CCDC6: variants seen among roughly 807,000 people sequenced by gnomAD.
CCDC6 encodes the protein coiled-coil domain containing 6.
CCDC6 carries 20 observed loss-of-function variants against 56.6 expected under a neutral mutation model. That is an observed-to-expected ratio of 0.35 (90% CI 0.25 to 0.51). The LOEUF (loss-of-function observed/expected upper bound fraction) is 0.51. CCDC6 is among the 20% of genes least tolerant of loss of function. The pLI is 0.95. For missense variants in CCDC6, 367 were observed against 601.1 expected (o/e 0.61, Z 4.07); for synonymous variants, 241 against 234.4 (o/e 1.03, Z -0.26).
chr10:59,796,906 G>A (rs2070524786), intron 7 of CCDC6, among the ~76,000 whole-genome samples: 1 of 151,424 alleles, frequency 6.6e-6, no homozygotes, highest in African/African-American at 2.4e-5. Context: ...GGGAGGCGGA[G>A]CTTGCAGTGA....
Position 59,906,366 on chromosome 10 carries a change from G to A in CCDC6, c.59C>T (p.Ser20Leu), listed in dbSNP as rs778657226. 1.9e-6 allele frequency: 3 copies of A among 1,594,278 alleles called. No individual in the cohort carries two copies. The highest frequency in any genetic ancestry group is 1.1e-5 in the South Asian group (1 of 90,716). The change falls in exon 1 of 9, where the codon TCG becomes TTG. Residue 20 changes from serine to leucine, a missense_variant. Coordinates refer to ENST00000263102, the MANE Select transcript of CCDC6 (RefSeq NM_005436.5). ...TDGAGGNSSSSAAMQSSCSST... is the reference protein window; with the variant it reads ...TDGAGGNSSSLAAMQSSCSST... ...CGAGCAGGACGACTGCATGGCGGCC[G>A]AGCTGCTGCTGTTGCCCCCCGCCCC...
intron 1 of CCDC6, among the ~76,000 whole-genome samples, chr10:59,857,261 G>T (rs555185323): frequency 1.7e-4 from 26 of 152,232 alleles, no homozygotes; most frequent in African/African-American, 6.3e-4. Flanking sequence ...ATTTTATCCT[G>T]AGTCACCACA....
At position 59,791,396 on chromosome 10, in the gene CCDC6, T is replaced by A. The variant is rs2070466598; in HGVS notation, c.*1521A>T. The A allele has an allele frequency of 5.1e-6, 1 of 196,114 alleles. No homozygotes were observed. The highest frequency in any genetic ancestry group is 2.3e-5 in the African/African-American group (1 of 43,264). 12.1% of individuals were successfully genotyped at this position (196,114 alleles called of 1,614,324 possible). A position where few individuals can be genotyped will look rare whatever the true frequency, so the allele number is the denominator to read the frequency against. On this transcript the variant is annotated 3_prime_UTR_variant, in exon 9 of 9. Coordinates refer to ENST00000263102, the MANE Select transcript of CCDC6 (RefSeq NM_005436.5). ...CATTCTGTTAACTCTTAAATATGCATTCGAAGGCAAAAATGGAGGTTTCTA... is the reference window on the plus strand; with the variant it reads ...CATTCTGTTAACTCTTAAATATGCAATCGAAGGCAAAAATGGAGGTTTCTA...
At chr10:59,895,741 G>A (rs1282992930) in intron 1 of CCDC6, among the ~76,000 whole-genome samples, 1 of 152,148 alleles carries the variant, frequency 6.6e-6, no homozygotes, top group Admixed American at 6.5e-5. Context: ...ACGTTCTGGA[G>A]GCAATTTCTA....
intron 1 of CCDC6, among the ~76,000 whole-genome samples, chr10:59,873,004 C>A (rs7909402): frequency 0.039 from 5,985 of 152,254 alleles, 380 homozygotes; most frequent in African/African-American, 0.13. Context: ...CAAGCCTGAT[C>A]TGAATTGACA....
At chr10:59,841,227 T>C (rs1232160193) in intron 2 of CCDC6, among the ~76,000 whole-genome samples, 1 of 152,200 alleles carries the variant, frequency 6.6e-6, no homozygotes, top group Non-Finnish European at 1.5e-5. Flanking sequence ...GCCTTAGCAC[T>C]TTCCTATTCC....
intron 1 of CCDC6, among the ~76,000 whole-genome samples, chr10:59,862,230 T>A (rs1016775561): frequency 6.6e-6 from 1 of 151,938 alleles, no homozygotes; most frequent in African/African-American, 2.4e-5. Context: ...CTCACCCCTA[T>A]AAACCCAGCA....
intron 2 of CCDC6, among the ~76,000 whole-genome samples, chr10:59,850,487 A>T (rs577609084): frequency 5.5e-4 from 83 of 152,274 alleles, no homozygotes; most frequent in African/African-American, 1.9e-3. Flanking sequence ...CCATCTAGAG[A>T]ACCCCAATGT....
At chr10:59,807,402 T>A (rs575164604) in intron 5 of CCDC6, among the ~76,000 whole-genome samples, 121 of 152,250 alleles carry the variant, frequency 7.9e-4, no homozygotes, top group Middle Eastern at 6.8e-3. Context: ...GGAGAACTGC[T>A]TGAACTCAGG....
At chr10:59,825,505 T>C (rs888863128) in intron 3 of CCDC6, among the ~76,000 whole-genome samples, 9 of 152,158 alleles carry the variant, frequency 5.9e-5, no homozygotes, top group African/African-American at 2.2e-4. Flanking sequence ...AAAGGACTAA[T>C]ACAACCATGT....
chr10:59,874,118 A>AACACAC (rs55812153), intron 1 of CCDC6, among the ~76,000 whole-genome samples: 59,855 of 148,456 alleles, frequency 0.4, 12,752 homozygotes, highest in East Asian at 0.5. Flanking sequence ...TTACCTAGCA[A>AACACAC]ACACACACAC....
chr10:59,796,090 C>A (rs1235777198), intron 7 of CCDC6, among the ~76,000 whole-genome samples: 4 of 152,202 alleles, frequency 2.6e-5, no homozygotes, highest in African/African-American at 9.7e-5. Context: ...TACAGTCCCA[C>A]CAACAGTGTA....
At chr10:59,827,870 A>C (rs1318825025) in intron 3 of CCDC6, among the ~76,000 whole-genome samples, 1 of 152,182 alleles carries the variant, frequency 6.6e-6, no homozygotes, top group East Asian at 1.9e-4. Flanking sequence ...TTAGATGACT[A>C]ACCCTCCACG....
At chr10:59,883,083 C>T (rs1365400466) in intron 1 of CCDC6, among the ~76,000 whole-genome samples, 1 of 152,102 alleles carries the variant, frequency 6.6e-6, no homozygotes, top group Non-Finnish European at 1.5e-5. Flanking sequence ...TTCGTACCCC[C>T]GAAACACAGT....
chr10:59,859,201 T>C lies in CCDC6; in HGVS notation c.304-6499A>G, dbSNP rs10994059. Reference sequence around the variant, plus strand: ...GGAAAAAAAAATACATGTGTGTGCGTGTGTGTGTGTGTGTGTGTGTGTGTG... The same window carrying C: ...GGAAAAAAAAATACATGTGTGTGCGCGTGTGTGTGTGTGTGTGTGTGTGTG... On this transcript the variant is annotated intron_variant, in intron 1 of 8. Coordinates refer to ENST00000263102, the MANE Select transcript of CCDC6 (RefSeq NM_005436.5). 6.0e-4 allele frequency among the ~76,000 whole-genome samples: 23 copies of C among 38,510 alleles called. 1 individual carries two copies. The highest frequency in any genetic ancestry group is 1.9e-3 in the Admixed American group (5 of 2,656). 25.3% of individuals were successfully genotyped at this position (38,510 alleles called of 152,430 possible).
intron 1 of CCDC6, among the ~76,000 whole-genome samples, chr10:59,857,675 A>AT (rs111786597): frequency 1.1e-3 from 159 of 148,166 alleles, no homozygotes; most frequent in South Asian, 3.4e-3. Context: ...ATTTGCACAG[A>AT]TTTTTTTTTT....
intron 2 of CCDC6, among the ~76,000 whole-genome samples, chr10:59,833,823 G>C (rs564066107): frequency 6.6e-6 from 1 of 152,236 alleles, no homozygotes; most frequent in South Asian, 2.1e-4. Flanking sequence ...TATACACCAG[G>C]TTCTTCACAT....
At position 59,804,483 on chromosome 10, in the gene CCDC6, G is replaced by A; in HGVS notation, c.1042C>T (p.Arg348Cys). 7 of 1,612,898 alleles carry A rather than the reference G, an allele frequency of 4.3e-6. No individual in the cohort carries two copies. The highest frequency in any genetic ancestry group is 5.9e-6 in the Non-Finnish European group (7 of 1,178,942). The change falls in exon 7 of 9, where the codon CGC becomes TGC. Residue 348 changes from arginine (R) to cysteine (C), a missense_variant. Around this residue, in one of 7 missense-constraint regions of CCDC6, gnomAD observed 81 missense variants for 150.8 expected, o/e 0.54. Coordinates refer to ENST00000263102, the MANE Select transcript of CCDC6 (RefSeq NM_005436.5). ...TAAGGGATCGGGCTGGACACAGTGC[G>A]AGGTCTTAATCCTTGTGCAGACATC... The part of the protein sequence containing the change: ...NEMSAQGLRP[R>C]TVSSPIPYTP...
intron 1 of CCDC6, among the ~76,000 whole-genome samples, chr10:59,857,634 G>C (rs1180684984): frequency 6.6e-6 from 1 of 151,956 alleles, no homozygotes; most frequent in Non-Finnish European, 1.5e-5. Flanking sequence ...ATATGGTCAG[G>C]AGAAAGTTCA....
Sources: allele counts gnomAD v4.1 joint callset (sites outside exome capture counted in the v4.1 genomes callset), GRCh38; gene constraint gnomAD v4.1.1; regional missense constraint gnomAD v4.1.1; transcripts MANE v1.5; gene names NCBI Gene and HGNC (gene_info 2026-07-23, HGNC 2026-07-21).